The following TNNI3K variants were observed in gnomAD, a reference collection of about 807,000 sequenced individuals.
TNNI3K encodes serine/threonine-protein kinase TNNI3K.
TNNI3K carries 140 observed loss-of-function variants against 114.5 expected under a neutral mutation model. The observed-to-expected ratio is 1.22, with a 90% CI of 1.07 to 1.41. The LOEUF is 1.41. TNNI3K is among the 40% of genes most tolerant of loss of function. TNNI3K has a pLI of 0.00. For synonymous variants in TNNI3K, 347 were observed against 347.5 expected, an observed-to-expected ratio of 1.00 and a Z score of 0.02; for missense variants, 1,125 against 1,007.6, an observed-to-expected ratio of 1.12 and a Z score of -1.58.
chr1:74,370,489 A>C, intron 17 of TNNI3K, 97 bp downstream of exon 17: 6 of 1,069,642 alleles, frequency 5.6e-6, no homozygotes, highest in Non-Finnish European at 7.9e-6. Flanking sequence ...ATTGCAGATC[A>C]GGGTACTCTG....
intron 13 of TNNI3K, among the ~76,000 whole-genome samples, chr1:74,368,747 C>G (rs571296790): frequency 6.6e-6 from 1 of 151,830 alleles, no homozygotes; most frequent in African/African-American, 2.4e-5. Flanking sequence ...GGAATAGACC[C>G]TTAGCCCTGG....
intron 20 of TNNI3K, among the ~76,000 whole-genome samples, chr1:74,455,363 A>G (rs575172279): frequency 3.3e-5 from 5 of 152,204 alleles, no homozygotes; most frequent in Non-Finnish European, 5.9e-5. Context: ...AAATCCACAT[A>G]TAGTTCAGTA....
At chr1:74,417,470 T>G (rs957367967) in intron 17 of TNNI3K, among the ~76,000 whole-genome samples, 1 of 151,998 alleles carries the variant, frequency 6.6e-6, no homozygotes, top group African/African-American at 2.4e-5. Context: ...GTTCTGAAAT[T>G]TTTCTCCCTA....
At chr1:74,449,624 A>G (rs1225376397) in intron 20 of TNNI3K, among the ~76,000 whole-genome samples, 4 of 151,786 alleles carry the variant, frequency 2.6e-5, no homozygotes, top group African/African-American at 9.7e-5. Flanking sequence ...GATAAAACAG[A>G]CTTTAAACCA....
intron 21 of TNNI3K, chr1:74,472,341 C>A (rs1462985948): frequency 1.7e-6 from 1 of 591,876 alleles, no homozygotes; most frequent in Non-Finnish European, 3.0e-6. Context: ...TAATTTGTAA[C>A]CAAACCTACA....
intron 20 of TNNI3K, among the ~76,000 whole-genome samples, chr1:74,445,249 T>C (rs917453132): frequency 3.3e-5 from 5 of 149,874 alleles, no homozygotes; most frequent in African/African-American, 1.2e-4. Flanking sequence ...CTTTAAGTTT[T>C]AGGGTACATG....
chr1:74,308,515 A>T (rs1041538868), intron 5 of TNNI3K, among the ~76,000 whole-genome samples: 1 of 152,190 alleles, frequency 6.6e-6, no homozygotes, highest in South Asian at 2.1e-4. Flanking sequence ...AAGCACTGTT[A>T]TGAGGAAACT....
intron 20 of TNNI3K, among the ~76,000 whole-genome samples, chr1:74,461,948 G>C (rs1163434943): frequency 1.3e-5 from 2 of 152,276 alleles, no homozygotes; most frequent in South Asian, 4.1e-4. Flanking sequence ...TTAACATAAA[G>C]TGTTAATAAC....
At chr1:74,498,919 T>C (rs555985144) in intron 23 of TNNI3K, among the ~76,000 whole-genome samples, 3 of 152,358 alleles carry the variant, frequency 2.0e-5, no homozygotes, top group East Asian at 3.9e-4. Context: ...GTAGATTTCA[T>C]GTGCAGAGCA....
chr1:74,391,954 ATTATTT>A (rs1663795330), intron 17 of TNNI3K, among the ~76,000 whole-genome samples: 1 of 93,260 alleles, frequency 1.1e-5, no homozygotes, highest in Non-Finnish European at 2.0e-5. Flanking sequence ...GGTACAGCTT[ATTATTT>A]TTTTTTTTTT....
chr1:74,510,743 G>C (rs1189212220), intron 23 of TNNI3K, among the ~76,000 whole-genome samples: 5 of 152,170 alleles, frequency 3.3e-5, no homozygotes, highest in Admixed American at 1.3e-4. Context: ...GCATTGAAAA[G>C]TTCATGGAAT....
At chr1:74,309,132 G>A (rs1658827347) in intron 5 of TNNI3K, among the ~76,000 whole-genome samples, 1 of 151,754 alleles carries the variant, frequency 6.6e-6, no homozygotes, top group South Asian at 2.1e-4. Flanking sequence ...ACTTTGGGAG[G>A]CCGAGGTGGG....
rs143366740 is a variant in TNNI3K at position 74,367,309 on chromosome 1, T to C, written c.1231T>C (p.Leu411=). ...GCATTATAAGAGACCACAAGATGAA[T>C]TGCCCTGTAATGAATATTCTCAGCC... ...LKHYKRPQDE[L]PCNEYSQPGG... is the part of the protein sequence containing the mutation. The change falls in exon 12 of 25, where the codon TTG becomes CTG. Residue 411 remains leucine (L), a synonymous_variant. Coordinates refer to ENST00000326637, the MANE Select transcript of TNNI3K (RefSeq NM_015978.3). 3.7e-6 allele frequency: 6 copies of C among 1,612,270 alleles called. No homozygotes were observed. The highest frequency in any genetic ancestry group is 1.7e-4 in the Middle Eastern group (1 of 6,048).
intron 5 of TNNI3K, among the ~76,000 whole-genome samples, chr1:74,330,432 T>C (rs754832966): frequency 2.8e-4 from 43 of 152,254 alleles, no homozygotes; most frequent in Admixed American, 9.2e-4. Flanking sequence ...TCCATTAGTT[T>C]CCTCCATATA....
At chr1:74,351,206 T>C (rs1359782602) in intron 9 of TNNI3K, among the ~76,000 whole-genome samples, 1 of 151,980 alleles carries the variant, frequency 6.6e-6, no homozygotes, top group Non-Finnish European at 1.5e-5. Flanking sequence ...TAAAGTATTT[T>C]ATTTCTCCTT....
rs536531627 is a variant in TNNI3K at position 74,358,717 on chromosome 1, G to A, written c.1177+4588G>A. Reference sequence around the variant, plus strand: ...AATCCATGTGTGAATTTTTGTTTTCGTATACTGGTTATCTTCTTACATGTT... The same window carrying A: ...AATCCATGTGTGAATTTTTGTTTTCATATACTGGTTATCTTCTTACATGTT... On this transcript the variant is annotated intron_variant, in intron 11 of 24. Transcript: ENST00000326637. Among the ~76,000 whole-genome samples, 416 of 151,780 alleles carry A rather than the reference G, an allele frequency of 2.7e-3. 3 individuals carry two copies. The highest frequency in any genetic ancestry group is 5.3e-3 in the Non-Finnish European group (358 of 67,818).
At chr1:74,278,488 C>A (rs1282188875) in intron 5 of TNNI3K, among the ~76,000 whole-genome samples, 1 of 152,084 alleles carries the variant, frequency 6.6e-6, no homozygotes, top group African/African-American at 2.4e-5. Context: ...CAGATCTGAA[C>A]CCCCTCAAAG....
At chr1:74,244,981 A>G (rs528069376) in intron 2 of TNNI3K, among the ~76,000 whole-genome samples, 3 of 152,190 alleles carry the variant, frequency 2.0e-5, no homozygotes, top group Admixed American at 6.5e-5. Flanking sequence ...TCTCATGTGC[A>G]GTTCTGTGTT....
At chr1:74,476,400 G>GT (rs1167873063) in intron 21 of TNNI3K, among the ~76,000 whole-genome samples, 4 of 151,990 alleles carry the variant, frequency 2.6e-5, no homozygotes, top group African/African-American at 4.8e-5. Context: ...GATTTCCCTT[G>GT]TTTTTTCACC....
Sources: gnomAD v4.1 joint callset for allele counts (sites outside exome capture counted in the v4.1 genomes callset) on GRCh38, gnomAD v4.1.1 for gene constraint, MANE v1.5 for transcripts, NCBI Gene and HGNC (gene_info 2026-07-23, HGNC 2026-07-21) for gene names.